The following CREB1 variants were observed in gnomAD, a reference collection of about 807,000 sequenced individuals.
CREB1 encodes the protein cAMP responsive element binding protein 1, also known as cyclic AMP-responsive element-binding protein 1.
A neutral mutation model predicts 42.0 loss-of-function variants in CREB1; 2 were observed. The ratio of observed to expected loss-of-function variants is 0.05; its 90% CI spans 0.02 to 0.15. The LOEUF (loss-of-function observed/expected upper bound fraction) is 0.15, where lower values mean the gene tolerates loss of function less well. Ranked by LOEUF, CREB1 falls within the 10% of genes least tolerant of loss-of-function variation. The probability of loss-of-function intolerance (pLI) is 1.00; values close to 1 mark genes in which losing one functional copy is unlikely to be tolerated. For synonymous variants in CREB1, 123 were observed against 139.9 expected (o/e 0.88, Z 0.85); for missense variants, 199 against 388.9 (o/e 0.51, Z 4.11).
At chr2:207,565,040 T>G (rs1008632811) in intron 3 of CREB1, among the ~76,000 whole-genome samples, 5 of 104,228 alleles carry the variant, frequency 4.8e-5, no homozygotes, top group African/African-American at 1.7e-4. Context: ...TCCAGTATGT[T>G]TTTTTTTTTT....
In CREB1 at chr2:207,531,981, T is replaced by C. The variant is rs150043933; in HGVS notation, c.-9+1847T>C. 2.1e-3 allele frequency among the ~76,000 whole-genome samples: 321 copies of C among 152,306 alleles called. 1 individual carries two copies. Among genetic ancestry groups the C allele is most frequent in the African/African-American group, 7.3e-3 (304 of 41,570 alleles). Reference sequence around the variant, plus strand: ...TTATTTCCGAGCACTGAAAAAATTATAGTATTGATAATGGTAGCTTACCAT... The same window carrying C: ...TTATTTCCGAGCACTGAAAAAATTACAGTATTGATAATGGTAGCTTACCAT... On this transcript the variant is annotated intron_variant, in intron 1 of 7. Transcript: ENST00000353267.
chr2:207,584,202 C>T (rs1325480883), intron 7 of CREB1, among the ~76,000 whole-genome samples: 1 of 152,206 alleles, frequency 6.6e-6, no homozygotes, highest in African/African-American at 2.4e-5. Flanking sequence ...ATGTAACTAA[C>T]TGTATATTTA....
chr2:207,598,568 C>T lies in CREB1; in HGVS notation c.*1510C>T, dbSNP rs1243387075. The T allele has an allele frequency of 1.7e-5, 3 of 176,346 alleles. No homozygotes were observed. The highest frequency in any genetic ancestry group is 2.4e-5 in the Non-Finnish European group (2 of 82,162). 10.9% of individuals were successfully genotyped at this position (176,346 alleles called of 1,614,324 possible). The stretch of plus-strand genomic sequence containing the variant: ...TAGGTTATAATTTCTCATTTGGAGC[C>T]GGGCGCAGTGGCTCACGCCTGTAAT... On this transcript the variant is annotated 3_prime_UTR_variant, in exon 8 of 8. Coordinates refer to ENST00000353267, the MANE Select transcript of CREB1 (RefSeq NM_004379.5).
intron 1 of CREB1, among the ~76,000 whole-genome samples, chr2:207,531,685 T>C (rs1406129771): frequency 6.6e-6 from 1 of 152,212 alleles, no homozygotes; most frequent in Non-Finnish European, 1.5e-5. Context: ...TTATTTTAGG[T>C]GGTGCAAAAG....
chr2:207,577,445 C>G, intron 6 of CREB1, 60 bp from the exon 7 acceptor site: 1 of 1,577,086 alleles, frequency 6.3e-7, no homozygotes, highest in South Asian at 1.1e-5. Context: ...ATGATTGATA[C>G]ACATAATTGA....
In CREB1 at chr2:207,596,896, G is replaced by A. The variant is rs572628198; in HGVS notation, c.840-18G>A. 74 of 1,589,774 alleles carry A rather than the reference G, an allele frequency of 4.7e-5. No individual in the cohort carries two copies. In the South Asian group the frequency reaches 4.8e-4, roughly 10 times the overall value. On this transcript the variant is annotated intron_variant, in intron 7 of 7. Coordinates refer to ENST00000353267, the MANE Select transcript of CREB1 (RefSeq NM_004379.5). ...GGAAATCATTTGCATAATTTTTCCC[G>A]TCCTCTTTTGCTTGTAGGGAAGCAG...
chr2:207,531,824 C>G (rs2080643808), intron 1 of CREB1, among the ~76,000 whole-genome samples: 1 of 152,154 alleles, frequency 6.6e-6, no homozygotes, highest in Non-Finnish European at 1.5e-5. Flanking sequence ...TTTCTGTATT[C>G]TAGTCACTTT....
At chr2:207,566,429 G>A (rs2082143372) in intron 3 of CREB1, among the ~76,000 whole-genome samples, 1 of 152,174 alleles carries the variant, frequency 6.6e-6, no homozygotes, top group African/African-American at 2.4e-5. Flanking sequence ...CGTTTCTGCT[G>A]ATTAGAGAAA....
intron 7 of CREB1, among the ~76,000 whole-genome samples, chr2:207,592,266 G>A (rs2085184728): frequency 6.6e-6 from 1 of 151,820 alleles, no homozygotes; most frequent in South Asian, 2.1e-4. Flanking sequence ...AATGAGCTGG[G>A]CGTGGTGGCA....
intron 3 of CREB1, among the ~76,000 whole-genome samples, chr2:207,566,723 C>G (rs1028827247): frequency 2.0e-5 from 3 of 152,104 alleles, no homozygotes; most frequent in African/African-American, 7.2e-5. Context: ...TAGTATAGTA[C>G]CCATCTGGCG....
Position 207,577,537 on chromosome 2 carries a change from C to A in CREB1, c.721C>A (p.Arg241Ser). The A allele has an allele frequency of 6.2e-7, 1 of 1,613,938 alleles. No individual in the cohort carries two copies. Among genetic ancestry groups the A allele is most frequent in the Non-Finnish European group, 8.5e-7 (1 of 1,179,918 alleles). ...ASGDVQTYQI[R>S]TAPTSTIAPG... is the part of the protein sequence containing the mutation. ...TGGAGACGTACAAACATACCAGATT[C>A]GCACAGCACCCACTAGCACTATTGC... Residue 241 changes from arginine (R) to serine (S), a missense_variant, in exon 7 of 8, where the codon CGC (arginine) becomes AGC (serine). By Grantham distance (110) the Arg-to-Ser change is moderately radical. Transcript: ENST00000353267.
intron 3 of CREB1, among the ~76,000 whole-genome samples, chr2:207,561,326 CT>C (rs1298467565): frequency 1.3e-5 from 2 of 152,206 alleles, no homozygotes. Context: ...CTCCCCAGCC[CT>C]TAGTCTGTTG....
chr2:207,540,149 A>G (rs1475971660), intron 1 of CREB1, among the ~76,000 whole-genome samples: 2 of 152,192 alleles, frequency 1.3e-5, no homozygotes, highest in Non-Finnish European at 2.9e-5. Flanking sequence ...AAGCAAACCT[A>G]TTAAGAACTT....
intron 1 of CREB1, among the ~76,000 whole-genome samples, chr2:207,549,980 AAAAG>A (rs1262697241): frequency 9.2e-5 from 14 of 152,192 alleles, no homozygotes; most frequent in Non-Finnish European, 1.9e-4. Context: ...AAAAAAAAAA[AAAAG>A]AGAGAAAAGA....
intron 7 of CREB1, chr2:207,582,937 AC>A (rs1384477553): frequency 5.2e-6 from 1 of 192,180 alleles, no homozygotes; most frequent in African/African-American, 2.4e-5. Flanking sequence ...ATATACATAC[AC>A]ACACACATAC....
intron 3 of CREB1, among the ~76,000 whole-genome samples, chr2:207,563,927 G>A (rs1301722228): frequency 3.3e-5 from 5 of 152,170 alleles, no homozygotes; most frequent in Non-Finnish European, 7.4e-5. Flanking sequence ...CTGAGTGACA[G>A]AGTGAGACTC....
intron 1 of CREB1, among the ~76,000 whole-genome samples, chr2:207,551,421 C>CT (rs2081497906): frequency 6.6e-6 from 1 of 152,146 alleles, no homozygotes; most frequent in Non-Finnish European, 1.5e-5. Context: ...TTTAATAACT[C>CT]TAACGACAGT....
chr2:207,567,070 T>A (rs2082167243), intron 3 of CREB1, among the ~76,000 whole-genome samples: 2 of 152,112 alleles, frequency 1.3e-5, no homozygotes, highest in Non-Finnish European at 1.5e-5. Context: ...TACAGTTAAA[T>A]AATAATATTT....
At chr2:207,571,854 T>C (rs1465103713) in intron 5 of CREB1, 2 of 387,024 alleles carry the variant, frequency 5.2e-6, no homozygotes, top group Non-Finnish European at 5.2e-6. Context: ...AAAGGGGAAA[T>C]GAAGGTTAGA....
Sources: allele counts gnomAD v4.1 joint callset (sites outside exome capture counted in the v4.1 genomes callset), GRCh38; gene constraint gnomAD v4.1.1; transcripts MANE v1.5; gene names NCBI Gene and HGNC (gene_info 2026-07-23, HGNC 2026-07-21).